The following PDE8B variants were observed in gnomAD, a reference collection of about 807,000 sequenced individuals.
PDE8B encodes the protein high affinity cAMP-specific and IBMX-insensitive 3',5'-cyclic phosphodiesterase 8B.
In PDE8B, 26 loss-of-function variants were observed where a neutral mutation model predicts 101.3. That is an observed-to-expected ratio of 0.26 (90% CI 0.19 to 0.36). PDE8B has a LOEUF of 0.36. PDE8B is among the 10% of genes least tolerant of loss of function. PDE8B has a pLI of 1.00. For synonymous variants in PDE8B, 424 were observed against 429.3 expected (o/e 0.99, Z 0.15); for missense variants, 810 against 1,163.1 (o/e 0.70, Z 4.42).
the PDE8B span, among the ~76,000 whole-genome samples, chr5:77,116,222 AT>A: frequency 1.1e-3 from 98 of 92,778 alleles, no homozygotes; most frequent in African/African-American, 4.8e-3. Flanking sequence ...ATATATATAT[AT>A]ATTTTTTTTT....
chr5:77,413,254 A>G lies in PDE8B; in HGVS notation c.1856A>G (p.His619Arg). Residue 619 changes from histidine (H) to arginine (R), a missense_variant, in exon 17 of 22, where the codon CAT (histidine) becomes CGT (arginine). By Grantham distance (29) the His-to-Arg change is conservative. This residue lies in a region of PDE8B where 325 missense variants were observed against 560.9 expected (regional missense o/e 0.58). Coordinates refer to ENST00000264917, the MANE Select transcript of PDE8B (RefSeq NM_003719.5). ...HSSNAYHNST[H>R]AADVLHATAF... The stretch of plus-strand genomic sequence containing the variant: ...TCCAATGCCTACCACAACTCCACCC[A>G]TGCTGCCGACGTCCTGCACGCCACC... 6.2e-7 allele frequency: 1 copy of G among 1,614,158 alleles called. No homozygotes were observed.
At position 77,412,227 on chromosome 5, in the gene PDE8B, G is replaced by A. The variant is rs781307632; in HGVS notation, c.1704G>A (p.Thr568=). The part of the protein sequence containing the change: ...DFNIFELEAI[T]HKRPLVYLGL... Reference sequence around the variant, plus strand: ...ACATCTTTGAATTGGAAGCCATTACGCATAAAAGGTATGTGACTTCTCTGG... The same window carrying A: ...ACATCTTTGAATTGGAAGCCATTACACATAAAAGGTATGTGACTTCTCTGG... The change falls in exon 16 of 22, where the codon ACG becomes ACA. Residue 568 remains threonine (T), a synonymous_variant. Coordinates refer to ENST00000264917, the MANE Select transcript of PDE8B (RefSeq NM_003719.5). The A allele has an allele frequency of 8.1e-6, 13 of 1,613,870 alleles. No homozygotes were observed. In the East Asian group the frequency reaches 8.9e-5, roughly 11 times the overall value.
chr5:77,095,977 G>A, the PDE8B span, among the ~76,000 whole-genome samples: 2 of 152,040 alleles, frequency 1.3e-5, no homozygotes, highest in Admixed American at 6.6e-5. Context: ...TGAAATCCTT[G>A]CATAATTTTT....
At chr5:77,367,213 G>A (rs1784307785) in intron 10 of PDE8B, among the ~76,000 whole-genome samples, 1 of 151,910 alleles carries the variant, frequency 6.6e-6, no homozygotes, top group Non-Finnish European at 1.5e-5. Context: ...AAAAAGGAAA[G>A]GGAAGAGAAA....
At chr5:77,395,649 T>C (rs1018843053) in intron 10 of PDE8B, among the ~76,000 whole-genome samples, 2 of 152,114 alleles carry the variant, frequency 1.3e-5, no homozygotes, top group South Asian at 2.1e-4. Flanking sequence ...TGAGGGGAAG[T>C]TGAGACAGCA....
the PDE8B span, among the ~76,000 whole-genome samples, chr5:77,203,556 A>T: frequency 1.3e-5 from 2 of 152,340 alleles, no homozygotes; most frequent in East Asian, 3.9e-4. Context: ...ATTCCCTTTG[A>T]TAAAGTTTTC....
At chr5:77,345,218 T>G (rs4596357) in intron 7 of PDE8B, among the ~76,000 whole-genome samples, 52,627 of 152,108 alleles carry the variant, frequency 0.35, 9,934 homozygotes, top group African/African-American at 0.49. Flanking sequence ...GCCCAGGCTG[T>G]AGTACAGAGG....
the PDE8B span, among the ~76,000 whole-genome samples, chr5:77,151,654 A>G: frequency 1.3e-5 from 2 of 152,202 alleles, no homozygotes; most frequent in African/African-American, 4.8e-5. Context: ...AACACAAGGC[A>G]TGGAGAGGTT....
intron 1 of PDE8B, among the ~76,000 whole-genome samples, chr5:77,304,695 T>C (rs1429415288): frequency 6.6e-6 from 1 of 152,248 alleles, no homozygotes; most frequent in Non-Finnish European, 1.5e-5. Context: ...AATATGTCAC[T>C]GGCTGTGAGT....
intron 1 of PDE8B, among the ~76,000 whole-genome samples, chr5:77,247,461 A>G (rs1009555415): frequency 6.6e-6 from 1 of 152,200 alleles, no homozygotes; most frequent in African/African-American, 2.4e-5. Context: ...CTGTGGGGCC[A>G]CAACCATGAA....
the PDE8B span, among the ~76,000 whole-genome samples, chr5:77,136,967 C>G: frequency 2.6e-5 from 4 of 152,092 alleles, no homozygotes; most frequent in African/African-American, 9.7e-5. Context: ...TTGCCTCACC[C>G]CAACTAGTGC....
chr5:77,391,224 T>C (rs1408042982), intron 10 of PDE8B, among the ~76,000 whole-genome samples: 1 of 152,146 alleles, frequency 6.6e-6, no homozygotes, highest in African/African-American at 2.4e-5. Context: ...AGTTGTACAG[T>C]GGGGTATCTG....
At chr5:77,289,338 C>T (rs570058858) in intron 1 of PDE8B, among the ~76,000 whole-genome samples, 1 of 152,278 alleles carries the variant, frequency 6.6e-6, no homozygotes, top group Non-Finnish European at 1.5e-5. Flanking sequence ...ATCTGCTGTT[C>T]TCTTAAGCAC....
At chr5:77,387,645 T>A (rs1789014500) in intron 10 of PDE8B, among the ~76,000 whole-genome samples, 1 of 127,652 alleles carries the variant, frequency 7.8e-6, no homozygotes, top group Non-Finnish European at 1.6e-5. Context: ...GGGGAAGTTC[T>A]CCTGGATAAT....
At chr5:77,304,726 C>T (rs953847055) in intron 1 of PDE8B, among the ~76,000 whole-genome samples, 20 of 152,178 alleles carry the variant, frequency 1.3e-4, no homozygotes, top group Non-Finnish European at 2.2e-4. Flanking sequence ...CATGAGTAAT[C>T]GTCCATCTAT....
chr5:77,221,017 C>T (rs962197176), intron 1 of PDE8B, among the ~76,000 whole-genome samples: 14 of 152,260 alleles, frequency 9.2e-5, no homozygotes, highest in South Asian at 2.1e-4. Flanking sequence ...AGGGGTGTGT[C>T]GAGCTTCTTT....
At chr5:77,162,189 T>A in the PDE8B span, among the ~76,000 whole-genome samples, 2 of 152,134 alleles carry the variant, frequency 1.3e-5, no homozygotes, top group African/African-American at 4.8e-5. Flanking sequence ...TCTTTAAAAA[T>A]CTAAACTACT....
the PDE8B span, among the ~76,000 whole-genome samples, chr5:77,097,732 T>TATATAC: frequency 4.3e-4 from 28 of 65,218 alleles, no homozygotes; most frequent in South Asian, 2.7e-3. Context: ...TATATATATA[T>TATATAC]ACATACATAT....
At chr5:77,408,785 A>C (rs1416416691) in intron 13 of PDE8B, 108 bp from the exon 14 acceptor site, 1 of 895,938 alleles carries the variant, frequency 1.1e-6, no homozygotes, top group African/African-American at 1.6e-5. Flanking sequence ...GGTCATTTTG[A>C]ATAAGAGATG....
Sources: allele counts gnomAD v4.1 joint callset (sites outside exome capture counted in the v4.1 genomes callset), GRCh38; gene constraint gnomAD v4.1.1; regional missense constraint gnomAD v4.1.1; transcripts MANE v1.5; gene names NCBI Gene and HGNC (gene_info 2026-07-23, HGNC 2026-07-21).